The following SBF1 variants were observed in gnomAD, a reference collection of about 807,000 sequenced individuals.
SBF1 encodes the protein myotubularin-related protein 5.
A neutral mutation model predicts 215.8 loss-of-function variants in SBF1; 65 were observed. That is an observed-to-expected ratio of 0.30 (90% CI 0.25 to 0.37). The LOEUF (loss-of-function observed/expected upper bound fraction) is 0.37, where lower values mean the gene tolerates loss of function less well. Among genes scored for constraint, SBF1 ranks in the 10% least tolerant of loss-of-function variants. SBF1 has a pLI of 1.00. For missense variants in SBF1, 2,634 were observed against 2,667.8 expected, an observed-to-expected ratio of 0.99 and a Z score of 0.28; for synonymous variants, 1,410 against 1,122.8, an observed-to-expected ratio of 1.26 and a Z score of -5.11.
chr22:50,469,439 G>C (rs1418266695), intron 1 of SBF1, among the ~76,000 whole-genome samples: 1 of 152,208 alleles, frequency 6.6e-6, no homozygotes, highest in African/African-American at 2.4e-5. Context: ...TGGGGTAAAG[G>C]TCCCTGCCTG....
rs550022436 is a variant in SBF1, at chr22:50,463,191, G to A, written c.1899+92C>T. 966 of 1,514,942 alleles carry A rather than the reference G, an allele frequency of 6.4e-4. 2 individuals carry two copies. Among genetic ancestry groups the A allele is most frequent in the Non-Finnish European group, 8.3e-4 (921 of 1,107,196 alleles). 93.8% of individuals were successfully genotyped at this position (1,514,942 alleles called of 1,614,324 possible). A position where few individuals can be genotyped will look rare whatever the true frequency, so the allele number is the denominator to read the frequency against. ...CACTGGCACAGGAGTCTCTTGCACC[G>A]TCTCTCCACTCTCACTCACAGACCA... On this transcript the variant is annotated intron_variant, in intron 16 of 40. Coordinates refer to ENST00000380817, the MANE Select transcript of SBF1 (RefSeq NM_002972.4).
chr22:50,456,520 T>G lies in SBF1; in HGVS notation c.4058A>C (p.Tyr1353Ser). The change falls in exon 30 of 41, where the codon TAT becomes TCT. Residue 1353 changes from tyrosine to serine, a missense_variant. Coordinates refer to ENST00000380817, the MANE Select transcript of SBF1 (RefSeq NM_002972.4). ...GFLRPQRAAL[Y>S]ILGDKAQLKG... ...GAGCTGGGCTTTGTCCCCAAGGATA[T>G]AGAGGGCTGCTCGCTGCGGACGCAG... 6.5e-7 allele frequency: 1 copy of G among 1,527,910 alleles called. No homozygotes were observed. Among genetic ancestry groups the G allele is most frequent in the Non-Finnish European group, 8.8e-7 (1 of 1,133,948 alleles). 94.6% of individuals were successfully genotyped at this position (1,527,910 alleles called of 1,614,324 possible). A position where few individuals can be genotyped will look rare whatever the true frequency, so the allele number is the denominator to read the frequency against.
chr22:50,464,662 CG>C lies in SBF1; in HGVS notation c.1507del (p.Arg503AspfsTer29). The C allele has an allele frequency of 6.2e-7, 1 of 1,608,216 alleles. No homozygotes were observed. On this transcript the variant is annotated frameshift_variant, in exon 14 of 41. Coordinates refer to ENST00000380817, the MANE Select transcript of SBF1 (RefSeq NM_002972.4). LOFTEE classifies it high-confidence loss of function. ...GCCCTCATCCAGCCGGGGGAAGGGT[CG>C]GGGCACCCGTCGCAGGTGGCTGCTC... ...GESSHLRRVP[R>X]PFPRLDEGTV... is the part of the protein sequence containing the mutation.
intron 5 of SBF1, chr22:50,466,985 T>C: frequency 1.8e-6 from 1 of 557,326 alleles, no homozygotes; most frequent in South Asian, 2.4e-5. Context: ...TACCGCTCCT[T>C]CCTCAACAGA....
Position 50,454,462 on chromosome 22 carries a change from G to A in SBF1, c.5043+50C>T. On this transcript the variant is annotated intron_variant, in intron 36 of 40. Transcript: ENST00000380817. Reference sequence around the variant, plus strand: ...ACACACGCACGACCCTGGTGTCTGAGCGAGAGGAGGGGGGTGCCAGGCCAG... The same window carrying A: ...ACACACGCACGACCCTGGTGTCTGAACGAGAGGAGGGGGGTGCCAGGCCAG... 3.3e-6 allele frequency: 5 copies of A among 1,493,218 alleles called. 1 individual carries two copies. Among genetic ancestry groups the A allele is most frequent in the East Asian group, 4.5e-5 (2 of 44,342 alleles). The allele number at this position is 1,493,218 out of a possible 1,614,324, so 92.5% of individuals were successfully genotyped here.
In SBF1 at chr22:50,460,420, G is replaced by T. The variant is rs768808044; in HGVS notation, c.3147-12C>A. 2 of 1,607,426 alleles carry T rather than the reference G, an allele frequency of 1.2e-6. No individual in the cohort carries two copies. The highest frequency in any genetic ancestry group is 1.7e-5 in the Admixed American group (1 of 59,622). ...TCCGGGACAGGGTTCTGAGGCCCAC[G>T]AGAGTCAGCAAAGGTGAGAGGAGGA... On this transcript the variant is annotated splice_polypyrimidine_tract_variant and intron_variant, in intron 24 of 40. Coordinates refer to ENST00000380817, the MANE Select transcript of SBF1 (RefSeq NM_002972.4).
Position 50,456,664 on chromosome 22 carries a change from C to T in SBF1, c.3914G>A (p.Gly1305Asp). The change falls in exon 30 of 41, where the codon GGC (glycine) becomes GAC (aspartate). Residue 1305 changes from glycine to aspartate, a missense_variant. Gly to Asp is a moderately conservative substitution (Grantham distance 94). Transcript: ENST00000380817. ...GCTGCGTCCACTGGTCCGGACACTG[C>T]CCCACTTACCTGTGAAGGAGATGCC... ...SRRTAPRGKW[G>D]SVRTSGRSSG... 2 of 1,477,608 alleles carry T rather than the reference C, an allele frequency of 1.4e-6. No individual in the cohort carries two copies. Among genetic ancestry groups the T allele is most frequent in the South Asian group, 1.4e-5 (1 of 70,374 alleles). 91.5% of individuals were successfully genotyped at this position (1,477,608 alleles called of 1,614,324 possible). A position where few individuals can be genotyped will look rare whatever the true frequency, so the allele number is the denominator to read the frequency against.
intron 1 of SBF1, among the ~76,000 whole-genome samples, chr22:50,471,341 G>A (rs1438231534): frequency 2.6e-5 from 4 of 152,204 alleles, no homozygotes; most frequent in African/African-American, 4.8e-5. Context: ...GCGGGCGGGC[G>A]GGCAGGCGAA....
In SBF1 at chr22:50,456,624, G is replaced by A. The variant is rs540376902; in HGVS notation, c.3954C>T (p.Thr1318=). ...RTSGRSSGLG[T]DVGSRLAGRD... is the part of the protein sequence containing the mutation. ...TGCCAGCTAGCCGGGAGCCCACATC[G>A]GTGCCAAGGCCACTGCTGCGTCCAC... Residue 1318 remains threonine (T), a synonymous_variant, in exon 30 of 41, where the codon ACC becomes ACT. Coordinates refer to ENST00000380817, the MANE Select transcript of SBF1 (RefSeq NM_002972.4). The A allele has an allele frequency of 2.9e-5, 44 of 1,517,034 alleles. No homozygotes were observed. The highest frequency in any genetic ancestry group is 2.8e-4 in the African/African-American group (20 of 72,154). 94.0% of individuals were successfully genotyped at this position (1,517,034 alleles called of 1,614,324 possible). A position where few individuals can be genotyped will look rare whatever the true frequency, so the allele number is the denominator to read the frequency against.
Position 50,466,155 on chromosome 22 carries a change from C to T in SBF1, c.892G>A (p.Glu298Lys). 2 of 1,613,662 alleles carry T rather than the reference C, an allele frequency of 1.2e-6. No individual in the cohort carries two copies. Among genetic ancestry groups the T allele is most frequent in the Non-Finnish European group, 1.7e-6 (2 of 1,180,018 alleles). ...VNAAFQAETQ[E>K]LLDVIVADLD... ...ACACAAAGCACAGCCCTTACCAGCT[C>T]CTGGGTCTCTGCCTGGAAGGCCGCG... The change falls in exon 8 of 41, where the codon GAG becomes AAG. Residue 298 changes from glutamate (E) to lysine (K), a missense_variant. By Grantham distance (56) the Glu-to-Lys change is moderately conservative (BLOSUM62 1). Transcript: ENST00000380817.
chr22:50,462,167 C>A, intron 19 of SBF1, 38 bp downstream of exon 19: 1 of 1,607,626 alleles, frequency 6.2e-7, no homozygotes, highest in Non-Finnish European at 8.5e-7. Flanking sequence ...CACCACGGCC[C>A]CGCCTCCACT....
In SBF1 at chr22:50,459,536, G is replaced by A; in HGVS notation, c.3622C>T (p.Arg1208Cys). Residue 1208 changes from arginine (R) to cysteine (C), a missense_variant, in exon 27 of 41, where the codon CGC becomes TGC. Physicochemically the swap from Arg to Cys is radical, Grantham distance 180. Coordinates refer to ENST00000380817, the MANE Select transcript of SBF1 (RefSeq NM_002972.4). ...CCTTTGCCATGCAGGCCTCCAGAGC[G>A]CAGCAGCACCGCCTTGGACCGCCCG... is the stretch of plus-strand genomic sequence containing the variant. The part of the protein sequence containing the change: ...RSGRSKAVLL[R>C]SGGLHGKGVV... 1.9e-6 allele frequency: 3 copies of A among 1,610,128 alleles called. No individual in the cohort carries two copies. The highest frequency in any genetic ancestry group is 1.7e-6 in the Non-Finnish European group (2 of 1,179,698).
At chr22:50,465,666 G>C in intron 10 of SBF1, 97 bp downstream of exon 10, 1 of 1,186,558 alleles carries the variant, frequency 8.4e-7, no homozygotes, top group African/African-American at 1.6e-5. Context: ...GCCGGGGCCA[G>C]CCTGGGGGTG....
rs774357354 is a variant in SBF1, at chr22:50,460,255, C to T, written c.3283+17G>A. The T allele has an allele frequency of 1.9e-6, 3 of 1,600,870 alleles. No individual in the cohort carries two copies. The highest frequency in any genetic ancestry group is 2.6e-6 in the Non-Finnish European group (3 of 1,171,652). On this transcript the variant is annotated intron_variant, in intron 25 of 40. Coordinates refer to ENST00000380817, the MANE Select transcript of SBF1 (RefSeq NM_002972.4). ...AGCATCCAGAGACCACCCAGGACTC[C>T]ACCCCCACCCCTCCACCTGAGATCT...
rs996174597 is a variant in SBF1, at chr22:50,459,044, AGGGCACACACCTGGTCT to A, written c.3826+194_3826+210del. Among the ~76,000 whole-genome samples the A allele has an allele frequency of 3.0e-4, 45 of 152,236 alleles. 2 individuals are homozygous for A. Among genetic ancestry groups the A allele is most frequent in the South Asian group, 6.2e-4 (3 of 4,832 alleles). ...AGGACGTCAGGGCGGGCAGGAGGTCAGGGCACACACCTGGTCTGGGCACACACTTGGTCTGGACAGGC... is the reference window on the plus strand; with the variant it reads ...AGGACGTCAGGGCGGGCAGGAGGTCAGGGCACACACTTGGTCTGGACAGGC... On this transcript the variant is annotated intron_variant, in intron 28 of 40. Coordinates refer to ENST00000380817, the MANE Select transcript of SBF1 (RefSeq NM_002972.4).
intron 24 of SBF1, 51 bp from the exon 25 acceptor site, chr22:50,460,459 G>C (rs758777155): frequency 6.2e-7 from 1 of 1,604,394 alleles, no homozygotes; most frequent in Non-Finnish European, 8.5e-7. Context: ...ACAAAGATGA[G>C]CACAGGGGCC....
intron 31 of SBF1, 34 bp downstream of exon 31, chr22:50,456,182 C>T: frequency 1.2e-6 from 2 of 1,603,848 alleles, no homozygotes; most frequent in Non-Finnish European, 1.7e-6. Context: ...GGCCCAGCAC[C>T]AAGGCGGGCA....
rs558233476 is a variant in SBF1, at chr22:50,454,625, G to C, written c.4930C>G (p.Pro1644Ala). ...CCTCCATCAGACCGTTCTTCCTCTG[G>C]GGGTTCAGGGGGCCCCTGGGCCAGT... ...WELAQGPPEP[P>A]EEERSDGGAP... Residue 1644 changes from proline (P) to alanine (A), a missense_variant, in exon 36 of 41, where the codon CCA becomes GCA. Transcript: ENST00000380817. 9 of 1,602,840 alleles carry C rather than the reference G, an allele frequency of 5.6e-6. No homozygotes were observed. The African/African-American group carries it at 1.1e-4, about 19-fold the overall frequency.
rs1053744 is a variant in SBF1 at position 50,447,346 on chromosome 22, A to G, written c.5559T>C (p.Thr1853=). Residue 1853 remains threonine, a synonymous_variant, in exon 40 of 41, where the codon ACT becomes ACC. Coordinates refer to ENST00000380817, the MANE Select transcript of SBF1 (RefSeq NM_002972.4). ...CGTCAAAGAAGGCCTTCTCGTCCACAGTCTTAGGGGCACCCATAGTGGGCG... is the reference window on the plus strand; with the variant it reads ...CGTCAAAGAAGGCCTTCTCGTCCACGGTCTTAGGGGCACCCATAGTGGGCG... The part of the protein sequence containing the change: ...PGTPTMGAPK[T]VDEKAFFDVK... The G allele has an allele frequency of 0.53, 852,467 of 1,613,434 alleles. 226,076 individuals are homozygous for G. Among genetic ancestry groups the G allele is most frequent in the Admixed American group, 0.55 (32,722 of 60,010 alleles).
Sources: gnomAD v4.1 joint callset for allele counts (sites outside exome capture counted in the v4.1 genomes callset) on GRCh38, gnomAD v4.1.1 for gene constraint, MANE v1.5 for transcripts, NCBI Gene and HGNC (gene_info 2026-07-23, HGNC 2026-07-21) for gene names.